Variants in NFIB observed in about 807,000 individuals in gnomAD.
NFIB encodes nuclear factor I B.
In NFIB, 11 loss-of-function variants were observed where a neutral mutation model predicts 61.5. That is an observed-to-expected ratio of 0.18 (90% confidence interval 0.11 to 0.30). The LOEUF is 0.30. Among genes scored for constraint, NFIB ranks in the 10% least tolerant of loss-of-function variants. NFIB has a pLI of 1.00. For synonymous variants in NFIB, 260 were observed against 216.5 expected (o/e 1.20, Z -1.76); for missense variants, 471 against 608.9 (o/e 0.77, Z 2.38).
the NFIB span, among the ~76,000 whole-genome samples, chr9:14,414,633 T>G: frequency 6.6e-6 from 1 of 151,432 alleles, no homozygotes; most frequent in African/African-American, 2.4e-5. Context: ...TACATGCCAG[T>G]TAAGAGGATT....
chr9:14,334,949 T>C (rs1215659665), intron 1 of NFIB, among the ~76,000 whole-genome samples: 1 of 152,240 alleles, frequency 6.6e-6, no homozygotes, highest in Non-Finnish European at 1.5e-5. Context: ...ATGTACTCTT[T>C]TTCATCTGGC....
At chr9:14,284,415 C>A (rs962550671) in intron 2 of NFIB, among the ~76,000 whole-genome samples, 2 of 151,830 alleles carry the variant, frequency 1.3e-5, no homozygotes, top group Non-Finnish European at 2.9e-5. Flanking sequence ...TCTTTGAAAC[C>A]AAAAAAATGA....
intron 1 of NFIB, among the ~76,000 whole-genome samples, chr9:14,324,753 C>T (rs564991201): frequency 2.0e-5 from 3 of 151,930 alleles, no homozygotes; most frequent in Admixed American, 2.0e-4. Flanking sequence ...CATATATTAT[C>T]TTTTTTTATT....
Position 14,082,912 on chromosome 9 carries a change from C to G in NFIB, c.*5397G>C. 4.8e-6 allele frequency: 1 copy of G among 208,780 alleles called. No homozygotes were observed. Among genetic ancestry groups the G allele is most frequent in the Non-Finnish European group, 9.8e-6 (1 of 102,530 alleles). 12.9% of individuals were successfully genotyped at this position (208,780 alleles called of 1,614,324 possible). On this transcript the variant is annotated 3_prime_UTR_variant, in exon 11 of 11. Transcript: ENST00000380953. ...CTGGCTTTAGTGTCACTAGCTTACA[C>G]TGCTTTTCATGTATTTAGGCCACCT...
intron 2 of NFIB, among the ~76,000 whole-genome samples, chr9:14,279,492 A>G (rs1006589610): frequency 6.6e-6 from 1 of 152,214 alleles, no homozygotes; most frequent in Non-Finnish European, 1.5e-5. Context: ...AGACTGCTCC[A>G]TAGAGAAGGC....
the NFIB span, among the ~76,000 whole-genome samples, chr9:14,404,057 G>A: frequency 0.019 from 2,818 of 152,242 alleles, 106 homozygotes; most frequent in African/African-American, 0.064. Context: ...TTGGCAATGT[G>A]TACTGGTCTT....
chr9:14,119,462 T>C (rs1317156475), intron 8 of NFIB, among the ~76,000 whole-genome samples: 3 of 151,932 alleles, frequency 2.0e-5, no homozygotes, highest in African/African-American at 4.8e-5. Context: ...GAAAGGACCA[T>C]TTTGTTTCAT....
chr9:14,487,680 C>A, the NFIB span, among the ~76,000 whole-genome samples: 1 of 152,196 alleles, frequency 6.6e-6, no homozygotes, highest in Non-Finnish European at 1.5e-5. Context: ...AACTAGATTT[C>A]TTCCTTCCTT....
intron 2 of NFIB, among the ~76,000 whole-genome samples, chr9:14,225,258 T>A (rs1176474432): frequency 6.6e-6 from 1 of 151,966 alleles, no homozygotes; most frequent in Admixed American, 6.6e-5. Flanking sequence ...TAAAAAAATA[T>A]ATAAATCCCA....
the NFIB span, among the ~76,000 whole-genome samples, chr9:14,481,350 G>A: frequency 1.3e-5 from 2 of 149,590 alleles, no homozygotes; most frequent in Non-Finnish European, 3.0e-5. Context: ...GGCTTCCTTT[G>A]TTGGCCTCCT....
At chr9:14,118,715 G>A (rs187823785) in intron 8 of NFIB, among the ~76,000 whole-genome samples, 28 of 151,526 alleles carry the variant, frequency 1.8e-4, no homozygotes, top group African/African-American at 6.0e-4. Context: ...CTTTATACAC[G>A]GTTCCTATTA....
At chr9:14,236,523 C>T (rs936403405) in intron 2 of NFIB, among the ~76,000 whole-genome samples, 3 of 152,148 alleles carry the variant, frequency 2.0e-5, no homozygotes, top group African/African-American at 7.2e-5. Flanking sequence ...TAGGACGATG[C>T]ATGTGGAATT....
At chr9:14,254,226 G>C (rs1459683433) in intron 2 of NFIB, among the ~76,000 whole-genome samples, 1 of 151,986 alleles carries the variant, frequency 6.6e-6, no homozygotes, top group Non-Finnish European at 1.5e-5. Context: ...GCTTGAACCT[G>C]GGAGGTAGAG....
intron 2 of NFIB, among the ~76,000 whole-genome samples, chr9:14,193,169 T>C (rs539367024): frequency 2.6e-5 from 4 of 151,356 alleles, no homozygotes; most frequent in African/African-American, 9.7e-5. Flanking sequence ...ATGTTCTAAA[T>C]ATATCTCTTC....
chr9:14,319,435 GA>G (rs2060614339), intron 1 of NFIB, among the ~76,000 whole-genome samples: 1 of 152,216 alleles, frequency 6.6e-6, no homozygotes, highest in Admixed American at 6.5e-5. Context: ...TTTAAACTTT[GA>G]AAATAGAGGT....
At chr9:14,344,356 C>T (rs183390729) in intron 1 of NFIB, among the ~76,000 whole-genome samples, 3 of 151,684 alleles carry the variant, frequency 2.0e-5, no homozygotes, top group African/African-American at 7.3e-5. Context: ...TCGACAGGAG[C>T]AGCCGGGCCA....
chr9:14,437,676 G>A, the NFIB span, among the ~76,000 whole-genome samples: 2 of 152,176 alleles, frequency 1.3e-5, no homozygotes, highest in Non-Finnish European at 2.9e-5. Context: ...TGACAGGAGG[G>A]CCCGGGACCG....
chr9:14,186,063 G>A (rs974742484), intron 2 of NFIB, among the ~76,000 whole-genome samples: 1 of 152,166 alleles, frequency 6.6e-6, no homozygotes, highest in African/African-American at 2.4e-5. Context: ...ACCATGGCTT[G>A]AGGATCAACA....
chr9:14,423,077 C>T, the NFIB span, among the ~76,000 whole-genome samples: 1 of 152,064 alleles, frequency 6.6e-6, no homozygotes, highest in Non-Finnish European at 1.5e-5. Context: ...AAAAGTATGC[C>T]CACATGCCAG....
Sources: allele counts gnomAD v4.1 joint callset (sites outside exome capture counted in the v4.1 genomes callset), GRCh38; gene constraint gnomAD v4.1.1; transcripts MANE v1.5; gene names NCBI Gene and HGNC (gene_info 2026-07-23, HGNC 2026-07-21).